PMPCB: variants seen among roughly 807,000 people sequenced by gnomAD.
PMPCB encodes peptidase, mitochondrial processing subunit beta.
A neutral mutation model predicts 61.5 loss-of-function variants in PMPCB; 46 were observed. The observed-to-expected ratio is 0.75, with a 90% confidence interval of 0.59 to 0.96. The LOEUF is 0.96. Ranked by LOEUF, PMPCB falls within the 40% of genes least tolerant of loss-of-function variation. PMPCB has a pLI of 0.00. For missense variants in PMPCB, 590 were observed against 602.4 expected (o/e 0.98, Z 0.22); for synonymous variants, 191 against 201.6 (o/e 0.95, Z 0.44).
the PMPCB span, chr7:103,341,839 G>C: frequency 1.2e-6 from 2 of 1,611,794 alleles, no homozygotes; most frequent in Non-Finnish European, 1.7e-6. Context: ...CTGATTCCTC[G>C]GATAACTCTT....
chr7:103,319,553 G>A, downstream of PMPCB: 1 of 1,532,304 alleles, frequency 6.5e-7, no homozygotes, highest in Non-Finnish European at 9.0e-7. Context: ...TGAAGAAACA[G>A]GTCAAAGCAG....
chr7:103,312,675 T>A lies in PMPCB; in HGVS notation c.*404T>A. On this transcript the variant is annotated 3_prime_UTR_variant, in exon 13 of 13. Coordinates refer to ENST00000249269, the MANE Select transcript of PMPCB (RefSeq NM_004279.3). Reference sequence around the variant, plus strand: ...AGGGAGAAAGGTGTGATTTAAGAAGTTGCGATTTAAAAACAGACATTTTAA... The same window carrying A: ...AGGGAGAAAGGTGTGATTTAAGAAGATGCGATTTAAAAACAGACATTTTAA... The A allele has an allele frequency of 6.2e-7, 1 of 1,603,512 alleles. No individual in the cohort carries two copies. Among genetic ancestry groups the A allele is most frequent in the East Asian group, 2.2e-5 (1 of 44,822 alleles).
intron 11 of PMPCB, 27 bp downstream of exon 11, chr7:103,311,923 T>G: frequency 6.5e-7 from 1 of 1,537,216 alleles, no homozygotes; most frequent in Non-Finnish European, 8.9e-7. Flanking sequence ...TACTATTGGG[T>G]CATGTGTAAA....
At chr7:103,297,636 A>AGATCC in intron 1 of PMPCB, 78 bp downstream of exon 1, 2 of 1,588,208 alleles carry the variant, frequency 1.3e-6, no homozygotes, top group Non-Finnish European at 1.7e-6. Context: ...TCGGCGCCAC[A>AGATCC]GATCCGAACA....
the PMPCB span, chr7:103,344,435 G>A: frequency 4.7e-6 from 5 of 1,063,804 alleles, no homozygotes; most frequent in African/African-American, 7.8e-5. Context: ...ACTCGTCACG[G>A]CCCCATACGG....
At chr7:103,318,057 A>AT (rs1179443315), downstream of PMPCB, among the ~76,000 whole-genome samples, 2 of 152,236 alleles carry the variant, frequency 1.3e-5, no homozygotes, top group Non-Finnish European at 2.9e-5. Flanking sequence ...TCTGTTAATC[A>AT]AAGATTTGCA....
Position 103,312,144 on chromosome 7 carries a change from T to G in PMPCB, c.1405+13T>G, listed in dbSNP as rs752670173. 1.3e-5 allele frequency: 21 copies of G among 1,613,978 alleles called. No homozygotes were observed. The highest frequency in any genetic ancestry group is 1.7e-5 in the Admixed American group (1 of 60,008). On this transcript the variant is annotated intron_variant, in intron 12 of 12. Coordinates refer to ENST00000249269, the MANE Select transcript of PMPCB (RefSeq NM_004279.3). ...ATTGCTGCTGTTGGTAAGCCTGGCT[T>G]CTTTTCTTCTATGCAAAAAGTTGGC...
At position 103,313,478 on chromosome 7, in the gene PMPCB, C is replaced by G. The variant is rs77297110; in HGVS notation, c.*1207C>G. 4.5e-3 allele frequency: 4,465 copies of G among 984,992 alleles called. 141 individuals are homozygous for G. The African/African-American group carries it at 0.07, about 15-fold the overall frequency. The allele number at this position is 984,992 out of a possible 1,614,324, so 61.0% of individuals were successfully genotyped here. On this transcript the variant is annotated 3_prime_UTR_variant, in exon 13 of 13. Coordinates refer to ENST00000249269, the MANE Select transcript of PMPCB (RefSeq NM_004279.3). ...CAATTCATTAAGAGTTCTGATAAAT[C>G]TACTTCCTTACAGAATAGGTAAAAG...
the PMPCB span, among the ~76,000 whole-genome samples, chr7:103,339,843 C>T: frequency 1.0e-4 from 15 of 150,210 alleles, no homozygotes; most frequent in African/African-American, 2.9e-4. Context: ...ACTCTTCCCA[C>T]GCCCCTTTTT....
At chr7:103,337,678 A>C in the PMPCB span, 1 of 1,348,806 alleles carries the variant, frequency 7.4e-7, no homozygotes. Flanking sequence ...TTTAAAAAGC[A>C]TAGCCAGCCT....
At chr7:103,344,266 C>T in the PMPCB span, 1 of 472,924 alleles carries the variant, frequency 2.1e-6, no homozygotes, top group South Asian at 3.4e-5. Context: ...GAGAACCTTT[C>T]TGGGGTGCTG....
In PMPCB at chr7:103,298,004, T is replaced by C. The variant is rs559249453; in HGVS notation, c.99+446T>C. On this transcript the variant is annotated intron_variant, in intron 1 of 12. Coordinates refer to ENST00000249269, the MANE Select transcript of PMPCB (RefSeq NM_004279.3). ...TTTCTCATGAGAGAGCCTCTGACTT[T>C]AAGCAAAGGGATGTGAGACTTTTGT... 8 of 1,039,970 alleles carry C rather than the reference T, an allele frequency of 7.7e-6. No homozygotes were observed. In the African/African-American group the frequency reaches 1.4e-4, roughly 18 times the overall value. 64.4% of individuals were successfully genotyped at this position (1,039,970 alleles called of 1,614,324 possible). A position where few individuals can be genotyped will look rare whatever the true frequency, so the allele number is the denominator to read the frequency against.
rs2115728108 is a variant in PMPCB, at chr7:103,312,408, C to T, written c.*137C>T. ...ACTTTCAAAGGATAAAAAGACTACC[C>T]CTCTGAAGGTTGTTTTGTATTAATG... On this transcript the variant is annotated 3_prime_UTR_variant, in exon 13 of 13. Transcript: ENST00000249269. 6.6e-7 allele frequency: 1 copy of T among 1,508,714 alleles called. No homozygotes were observed. Among genetic ancestry groups the T allele is most frequent in the East Asian group, 2.4e-5 (1 of 41,662 alleles). 93.5% of individuals were successfully genotyped at this position (1,508,714 alleles called of 1,614,324 possible). A position where few individuals can be genotyped will look rare whatever the true frequency, so the allele number is the denominator to read the frequency against.
the PMPCB span, among the ~76,000 whole-genome samples, chr7:103,342,908 T>C: frequency 5.4e-5 from 8 of 148,792 alleles, no homozygotes; most frequent in South Asian, 1.3e-3. Flanking sequence ...GCGCCCGGCC[T>C]AGACAAATAA....
At chr7:103,298,278 T>C (rs371279804) in intron 1 of PMPCB, among the ~76,000 whole-genome samples, 147 of 152,138 alleles carry the variant, frequency 9.7e-4, no homozygotes, top group African/African-American at 3.3e-3. Context: ...ATATAAAACA[T>C]TTCTAGGAGA....
intron 12 of PMPCB, chr7:103,326,521 C>A: frequency 6.2e-7 from 1 of 1,613,340 alleles, no homozygotes; most frequent in Non-Finnish European, 8.5e-7. Flanking sequence ...GCACTATGAT[C>A]AAAAGGGATG....
chr7:103,298,527 T>C (rs1434002145), intron 1 of PMPCB, 41 bp from the exon 2 acceptor site: 5 of 1,588,238 alleles, frequency 3.1e-6, no homozygotes, highest in Non-Finnish European at 4.3e-6. Context: ...AGATTAGTAA[T>C]GTGTTTTGCT....
chr7:103,341,721 T>C, the PMPCB span: 4 of 1,460,746 alleles, frequency 2.7e-6, no homozygotes, highest in Non-Finnish European at 3.7e-6. Flanking sequence ...TGTCTATGTC[T>C]AACAAAGCAT....
chr7:103,304,334 A>G (rs545723276), intron 5 of PMPCB, 77 bp from the exon 6 acceptor site: 66 of 853,414 alleles, frequency 7.7e-5, no homozygotes, highest in Middle Eastern at 3.2e-4. Context: ...TTATGGTCCA[A>G]TTTGATTTCA....
Sources: allele counts gnomAD v4.1 joint callset (sites outside exome capture counted in the v4.1 genomes callset), GRCh38; gene constraint gnomAD v4.1.1; transcripts MANE v1.5; gene names NCBI Gene and HGNC (gene_info 2026-07-23, HGNC 2026-07-21).